CFAP54: variants seen among roughly 807,000 people sequenced by gnomAD.
CFAP54 encodes the protein cilia and flagella associated protein 54.
CFAP54 carries 290 observed loss-of-function variants against 370.4 expected under a neutral mutation model. That is an observed-to-expected ratio of 0.78 (90% CI 0.71 to 0.86). The LOEUF is 0.86. Ranked by LOEUF, CFAP54 falls within the 40% of genes least tolerant of loss-of-function variation. The pLI is 0.00. For missense variants in CFAP54, 3,399 were observed against 3,528.7 expected (o/e 0.96, Z 0.93); for synonymous variants, 1,206 against 1,236.5 (o/e 0.98, Z 0.52).
At chr12:96,655,583 T>C (rs1234369444) in intron 36 of CFAP54, among the ~76,000 whole-genome samples, 1 of 152,116 alleles carries the variant, frequency 6.6e-6, no homozygotes, top group Non-Finnish European at 1.5e-5. Flanking sequence ...GAAAATACAG[T>C]GGACAGAAGA....
intron 6 of CFAP54, among the ~76,000 whole-genome samples, chr12:96,521,531 TGTGTGTGTGTGTGTGTGCGC>T (rs1955316199): frequency 8.0e-6 from 1 of 125,368 alleles, no homozygotes; most frequent in African/African-American, 3.4e-5. Context: ...TGTGTGTGTG[TGTGTGTGTGTGTGTGTGCGC>T]GTGCGCACAT....
chr12:96,625,182 G>T (rs1427244211), intron 28 of CFAP54, among the ~76,000 whole-genome samples: 1 of 152,078 alleles, frequency 6.6e-6, no homozygotes, highest in Non-Finnish European at 1.5e-5. Flanking sequence ...TAAAACTCAT[G>T]CAACCTGTAT....
chr12:96,692,209 G>A (rs1433700936), intron 44 of CFAP54, among the ~76,000 whole-genome samples: 1 of 152,026 alleles, frequency 6.6e-6, no homozygotes, highest in Non-Finnish European at 1.5e-5. Context: ...TAAAGAGATT[G>A]ATAAGTGCAT....
At chr12:96,786,603 C>A in intron 61 of CFAP54, 72 bp from the exon 62 acceptor site, 2 of 1,122,826 alleles carry the variant, frequency 1.8e-6, no homozygotes, top group Non-Finnish European at 1.2e-6. Flanking sequence ...GGTTAGTGAG[C>A]AAATACCAGC....
chr12:96,571,974 ATACTTCTGT>A (rs965510855), intron 19 of CFAP54, among the ~76,000 whole-genome samples: 1 of 152,174 alleles, frequency 6.6e-6, no homozygotes, highest in Non-Finnish European at 1.5e-5. Flanking sequence ...TAAAACTTTA[ATACTTCTGT>A]TAACCTATTT....
intron 50 of CFAP54, among the ~76,000 whole-genome samples, chr12:96,726,335 T>A (rs1957835432): frequency 6.6e-6 from 1 of 152,232 alleles, no homozygotes; most frequent in African/African-American, 2.4e-5. Flanking sequence ...AAGCTATTGA[T>A]TATTGCCACA....
chr12:96,678,060 G>A (rs988034668), intron 39 of CFAP54, among the ~76,000 whole-genome samples: 1 of 152,082 alleles, frequency 6.6e-6, no homozygotes, highest in Non-Finnish European at 1.5e-5. Context: ...ATCATCTGGG[G>A]AAGGCACTGG....
At chr12:96,847,671 C>T (rs1343593377) in intron 66 of CFAP54, among the ~76,000 whole-genome samples, 1 of 152,198 alleles carries the variant, frequency 6.6e-6, no homozygotes, top group East Asian at 1.9e-4. Context: ...CATGGAGGTG[C>T]TTCTTATGCA....
intron 63 of CFAP54, among the ~76,000 whole-genome samples, chr12:96,801,085 C>CA (rs1295789085): frequency 6.6e-6 from 1 of 152,178 alleles, no homozygotes; most frequent in Non-Finnish European, 1.5e-5. Flanking sequence ...TCCCTTGATC[C>CA]ACCCACTTGG....
intron 39 of CFAP54, among the ~76,000 whole-genome samples, chr12:96,678,170 T>A (rs917385861): frequency 4.7e-5 from 7 of 148,352 alleles, no homozygotes; most frequent in Non-Finnish European, 1.1e-4. Context: ...GTCAGTGATT[T>A]CTACTCCTGA....
At position 96,520,422 on chromosome 12, in the gene CFAP54, T is replaced by C. The variant is rs191493160; in HGVS notation, c.942+1351T>C. On this transcript the variant is annotated intron_variant, in intron 6 of 67. Coordinates refer to ENST00000524981, the MANE Select transcript of CFAP54 (RefSeq NM_001306084.2). ...AGTCAGGCATGGTGGTGTGCACCTG[T>C]AGTCCCAGCTACTCGGGAGGCTGAG... is the stretch of plus-strand genomic sequence containing the variant. 9.5e-3 allele frequency among the ~76,000 whole-genome samples: 1,448 copies of C among 152,174 alleles called. 11 individuals carry two copies. The highest frequency in any genetic ancestry group is 0.015 in the Non-Finnish European group (1,040 of 67,992).
Position 96,564,723 on chromosome 12 carries a change from C to T in CFAP54, c.2577C>T (p.Phe859=), listed in dbSNP as rs572107761. ...TAATGCAGAAAGCTCTTTTAATATT[C>T]GAGAAAGATGCAACTTCTACATCTT... The part of the protein sequence containing the change: ...IYLMQKALLI[F]EKDATSTSSW... Residue 859 remains phenylalanine (F), a synonymous_variant, in exon 19 of 68, where the codon TTC becomes TTT. Coordinates refer to ENST00000524981, the MANE Select transcript of CFAP54 (RefSeq NM_001306084.2). The T allele has an allele frequency of 1.3e-4, 84 of 629,082 alleles. No homozygotes were observed. The highest frequency in any genetic ancestry group is 2.0e-4 in the Non-Finnish European group (70 of 357,654). 39.0% of individuals were successfully genotyped at this position (629,082 alleles called of 1,614,324 possible).
chr12:96,691,362 C>T, intron 44 of CFAP54, 52 bp downstream of exon 44: 1 of 1,337,024 alleles, frequency 7.5e-7, no homozygotes. Context: ...TTTTGCTCCA[C>T]TTACCTCATA....
At chr12:96,874,406 A>C (rs771822230) in intron 67 of CFAP54, among the ~76,000 whole-genome samples, 1 of 152,168 alleles carries the variant, frequency 6.6e-6, no homozygotes, top group Non-Finnish European at 1.5e-5. Flanking sequence ...ATAGAATGAG[A>C]GCTCCTGCTG....
At chr12:96,514,551 A>G (rs1303480978) in intron 5 of CFAP54, among the ~76,000 whole-genome samples, 1 of 152,230 alleles carries the variant, frequency 6.6e-6, no homozygotes, top group Non-Finnish European at 1.5e-5. Flanking sequence ...CGCTTGGTGT[A>G]ACAACAACAA....
intron 35 of CFAP54, 36 bp downstream of exon 35, chr12:96,650,108 A>G (rs1661660649): frequency 2.6e-6 from 4 of 1,529,412 alleles, no homozygotes; most frequent in Non-Finnish European, 3.5e-6. Context: ...TGTAGTAGAC[A>G]TAAATTTCAG....
chr12:96,724,693 G>C (rs889538496), intron 50 of CFAP54, among the ~76,000 whole-genome samples: 33 of 152,110 alleles, frequency 2.2e-4, no homozygotes, highest in Admixed American at 1.2e-3. Flanking sequence ...GATCCCATTT[G>C]TCAATTTTGG....
At chr12:96,531,328 T>G (rs1420619) in intron 9 of CFAP54, among the ~76,000 whole-genome samples, 1 of 151,898 alleles carries the variant, frequency 6.6e-6, no homozygotes, top group South Asian at 2.1e-4. Context: ...TGTTGTTTTA[T>G]AGATGTATCT....
At chr12:96,738,488 A>G (rs1011645394) in intron 50 of CFAP54, among the ~76,000 whole-genome samples, 6 of 151,500 alleles carry the variant, frequency 4.0e-5, no homozygotes, top group Admixed American at 1.3e-4. Flanking sequence ...GGCTTCTGGC[A>G]TTTGCTGGCG....
Sources: gnomAD v4.1 joint callset for allele counts (sites outside exome capture counted in the v4.1 genomes callset) on GRCh38, gnomAD v4.1.1 for gene constraint, MANE v1.5 for transcripts, NCBI Gene and HGNC (gene_info 2026-07-23, HGNC 2026-07-21) for gene names.